The following NCR3LG1 variants were observed in gnomAD, a reference collection of about 807,000 sequenced individuals.
NCR3LG1 encodes natural cytotoxicity triggering receptor 3 ligand 1.
In NCR3LG1, 35 loss-of-function variants were observed where a neutral mutation model predicts 34.8. That is an observed-to-expected ratio of 1.01 (90% CI 0.77 to 1.33). NCR3LG1 has a LOEUF of 1.33. Ranked by LOEUF, NCR3LG1 falls within the 40% of genes most tolerant of loss-of-function variation. NCR3LG1 has a pLI of 0.00. For missense variants in NCR3LG1, 452 were observed against 423.3 expected (o/e 1.07, Z -0.60); for synonymous variants, 173 against 163.6 (o/e 1.06, Z -0.44).
downstream of NCR3LG1, among the ~76,000 whole-genome samples, chr11:17,379,428 TCTAA>T (rs1182255038): frequency 2.0e-5 from 3 of 152,352 alleles, no homozygotes; most frequent in African/African-American, 7.2e-5. Flanking sequence ...TTGTAGTGCC[TCTAA>T]CTGTGTGACC....
At chr11:17,352,151 C>G (rs1953143389) in intron 1 of NCR3LG1, 112 bp downstream of exon 1, 5 of 548,642 alleles carry the variant, frequency 9.1e-6, no homozygotes, top group Middle Eastern at 1.0e-3. Context: ...GGGCTGAGAG[C>G]TCTATTTTCT....
At chr11:17,361,940 C>T (rs955517492) in intron 2 of NCR3LG1, among the ~76,000 whole-genome samples, 1 of 152,208 alleles carries the variant, frequency 6.6e-6, no homozygotes, top group Non-Finnish European at 1.5e-5. Context: ...GCCACTGTAC[C>T]AGGCCTCATA....
rs775491086 is a variant in NCR3LG1, at chr11:17,356,941, C to T, written c.361C>T (p.Arg121Ter). 25 of 1,535,720 alleles carry T rather than the reference C, an allele frequency of 1.6e-5. No individual in the cohort carries two copies. The highest frequency in any genetic ancestry group is 1.5e-4 in the East Asian group (6 of 40,922). The change falls in exon 2 of 5, where the codon CGA becomes TGA. Residue 121 changes from arginine to a stop codon, truncating the protein, a stop_gained. Coordinates refer to ENST00000338965, the MANE Select transcript of NCR3LG1 (RefSeq NM_001202439.3). LOFTEE classifies it high-confidence loss of function. ...GIQLEEAGEY[R>*]CEVVVTPLKA... ...CCAGCTGGAGGAAGCAGGAGAGTAC[C>T]GATGTGAGGTGGTGGTCACCCCTCT...
intron 1 of NCR3LG1, 33 bp from the exon 2 acceptor site, chr11:17,356,618 T>A: frequency 7.0e-7 from 1 of 1,429,376 alleles, no homozygotes; most frequent in East Asian, 2.5e-5. Flanking sequence ...CATACATTGG[T>A]AAACTGAACA....
Position 17,356,679 on chromosome 11 carries a change from GGGGA to G in NCR3LG1, c.100_103del (p.Gly34LeufsTer6). On this transcript the variant is annotated frameshift_variant, in exon 2 of 5. Coordinates refer to ENST00000338965, the MANE Select transcript of NCR3LG1 (RefSeq NM_001202439.3). LOFTEE classifies it high-confidence loss of function. Reference sequence around the variant, plus strand: ...ATCTGAAAGTAGAGATGATGGCAGGGGGGACTCAGATCACACCCCTGAATGACAA... The same window carrying G: ...ATCTGAAAGTAGAGATGATGGCAGGGCTCAGATCACACCCCTGAATGACAA... 2 of 1,535,414 alleles carry G rather than the reference GGGGA, an allele frequency of 1.3e-6. No individual in the cohort carries two copies. Among genetic ancestry groups the G allele is most frequent in the Non-Finnish European group, 1.7e-6 (2 of 1,146,450 alleles).
At chr11:17,364,600 G>A (rs565535087) in intron 2 of NCR3LG1, among the ~76,000 whole-genome samples, 6 of 151,712 alleles carry the variant, frequency 4.0e-5, no homozygotes, top group African/African-American at 9.7e-5. Context: ...AGTCTGGAGT[G>A]CAGTGGCGTG....
intron 3 of NCR3LG1, among the ~76,000 whole-genome samples, chr11:17,368,020 G>A (rs1198153152): frequency 6.6e-6 from 1 of 152,008 alleles, no homozygotes; most frequent in Non-Finnish European, 1.5e-5. Context: ...GTTTCTCTAT[G>A]TTGGTCAGAC....
chr11:17,372,818 G>A lies in NCR3LG1; in HGVS notation c.*306G>A. 1 of 311,394 alleles carries A rather than the reference G, an allele frequency of 3.2e-6. No individual in the cohort carries two copies. Among genetic ancestry groups the A allele is most frequent in the Non-Finnish European group, 5.9e-6 (1 of 168,496 alleles). 19.3% of individuals were successfully genotyped at this position (311,394 alleles called of 1,614,324 possible). A position where few individuals can be genotyped will look rare whatever the true frequency, so the allele number is the denominator to read the frequency against. On this transcript the variant is annotated 3_prime_UTR_variant, in exon 5 of 5. Coordinates refer to ENST00000338965, the MANE Select transcript of NCR3LG1 (RefSeq NM_001202439.3). ...CAACCAGCATTCACATACCCAATAGGAAGCGAGGCAGTGCCCCTTGAACAA... is the reference window on the plus strand; with the variant it reads ...CAACCAGCATTCACATACCCAATAGAAAGCGAGGCAGTGCCCCTTGAACAA...
At chr11:17,369,068 GA>G (rs1330335515) in intron 4 of NCR3LG1, 104 bp downstream of exon 4, 1 of 679,098 alleles carries the variant, frequency 1.5e-6, no homozygotes, top group East Asian at 2.7e-5. Context: ...AGGCCTGCTG[GA>G]AAGGACTTTG....
intron 2 of NCR3LG1, among the ~76,000 whole-genome samples, chr11:17,363,825 G>A (rs1256675917): frequency 6.6e-6 from 1 of 151,942 alleles, no homozygotes; most frequent in African/African-American, 2.4e-5. Flanking sequence ...TCGAACTCCT[G>A]AGCTCAAGTG....
rs1467402188 is a variant in NCR3LG1 at position 17,362,687 on chromosome 11, CCTTCCTTTCTTTCTTTCTTTCTTT to C, written c.422-4318_422-4295del. On this transcript the variant is annotated intron_variant, in intron 2 of 4. Transcript: ENST00000338965. ...TGACTCAGTGTCTCCTTCCTTCCTT[CCTTCCTTTCTTTCTTTCTTTCTTT>C]CTTTCTTTCTTTCTTTCTTTCTTTC... 8.1e-4 allele frequency among the ~76,000 whole-genome samples: 13 copies of C among 16,002 alleles called. 2 individuals are homozygous for C. The highest frequency in any genetic ancestry group is 3.0e-3 in the Admixed American group (5 of 1,676). The allele number at this position is 16,002 out of a possible 152,430, so 10.5% of individuals were successfully genotyped here.
chr11:17,360,445 GTCCTAAAGCTCA>G (rs1183201988), intron 2 of NCR3LG1, among the ~76,000 whole-genome samples: 2 of 151,970 alleles, frequency 1.3e-5, no homozygotes, highest in East Asian at 3.9e-4. Flanking sequence ...TTAACATTGT[GTCCTAAAGCTCA>G]TCACCAAACC....
At position 17,372,663 on chromosome 11, in the gene NCR3LG1, G is replaced by C. The variant is rs571070645; in HGVS notation, c.*151G>C. 1.7e-6 allele frequency: 1 copy of C among 578,844 alleles called. No homozygotes were observed. Among genetic ancestry groups the C allele is most frequent in the Non-Finnish European group, 3.1e-6 (1 of 326,244 alleles). The allele number at this position is 578,844 out of a possible 1,614,324, so 35.9% of individuals were successfully genotyped here. A position where few individuals can be genotyped will look rare whatever the true frequency, so the allele number is the denominator to read the frequency against. On this transcript the variant is annotated 3_prime_UTR_variant, in exon 5 of 5. Coordinates refer to ENST00000338965, the MANE Select transcript of NCR3LG1 (RefSeq NM_001202439.3). Reference sequence around the variant, plus strand: ...CTAACTCAGGTGTTTGACCTTACTTGGGGTGATGTTATGTTGCTCTTAAAC... The same window carrying C: ...CTAACTCAGGTGTTTGACCTTACTTCGGGTGATGTTATGTTGCTCTTAAAC...
chr11:17,371,744 C>T (rs1233578389), intron 4 of NCR3LG1, among the ~76,000 whole-genome samples: 1 of 152,154 alleles, frequency 6.6e-6, no homozygotes, highest in Admixed American at 6.5e-5. Flanking sequence ...ATCTCAGGAG[C>T]CTTATGGGCC....
At chr11:17,352,112 C>A in intron 1 of NCR3LG1, 73 bp downstream of exon 1, 1 of 1,066,966 alleles carries the variant, frequency 9.4e-7, no homozygotes, top group Non-Finnish European at 1.3e-6. Flanking sequence ...GGCTCCCTAG[C>A]ATCCCGCCAG....
At chr11:17,378,537 G>A (rs1219836596), downstream of NCR3LG1, among the ~76,000 whole-genome samples, 2 of 152,100 alleles carry the variant, frequency 1.3e-5, no homozygotes, top group Non-Finnish European at 2.9e-5. Context: ...ACATAGACAC[G>A]CCATTCTTCT....
Position 17,376,425 on chromosome 11 carries a change from A to T in NCR3LG1, c.*3913A>T, listed in dbSNP as rs1252098212. On this transcript the variant is annotated 3_prime_UTR_variant, in exon 5 of 5. Coordinates refer to ENST00000338965, the MANE Select transcript of NCR3LG1 (RefSeq NM_001202439.3). ...TTTATTGGGTTTGGTAATACGTCAC[A>T]CCCTTTAGCCTCTACTGTGTCAGCC... 2 of 152,062 alleles carry T rather than the reference A, an allele frequency of 1.3e-5. No individual in the cohort carries two copies. Among genetic ancestry groups the T allele is most frequent in the Non-Finnish European group, 2.9e-5 (2 of 67,988 alleles). The allele number at this position is 152,062 out of a possible 1,614,324, so 9.4% of individuals were successfully genotyped here. A position where few individuals can be genotyped will look rare whatever the true frequency, so the allele number is the denominator to read the frequency against.
rs375391642 is a variant in NCR3LG1, at chr11:17,366,469, A to C, written c.422-540A>C. Among the ~76,000 whole-genome samples the C allele has an allele frequency of 8.1e-4, 124 of 152,274 alleles. 2 individuals are homozygous for C. The South Asian group carries it at 0.025, about 31-fold the overall frequency. On this transcript the variant is annotated intron_variant, in intron 2 of 4. Coordinates refer to ENST00000338965, the MANE Select transcript of NCR3LG1 (RefSeq NM_001202439.3). ...ACCTGCAGTGGAGGTTGGGTGATAC[A>C]GGTTTAATCTGGATATGTCATGGCC...
At chr11:17,366,642 T>TAC (rs1420898371) in intron 2 of NCR3LG1, among the ~76,000 whole-genome samples, 14 of 152,206 alleles carry the variant, frequency 9.2e-5, no homozygotes, top group Admixed American at 4.6e-4. Flanking sequence ...GTGAGAGTTG[T>TAC]GGTCACAGCA....
Sources: allele counts gnomAD v4.1 joint callset (sites outside exome capture counted in the v4.1 genomes callset), GRCh38; gene constraint gnomAD v4.1.1; transcripts MANE v1.5; gene names NCBI Gene and HGNC (gene_info 2026-07-23, HGNC 2026-07-21).